The following NOL4L variants were observed in gnomAD, a reference collection of about 807,000 sequenced individuals.
NOL4L encodes nucleolar protein 4 like.
Under a neutral mutation model 64.5 loss-of-function variants are expected in NOL4L, and 7 were observed. That is an observed-to-expected ratio of 0.11 (90% confidence interval 0.06 to 0.20). NOL4L has a LOEUF of 0.20. Among genes scored for constraint, NOL4L ranks in the 10% least tolerant of loss-of-function variants. NOL4L has a pLI of 1.00. For synonymous variants in NOL4L, 413 were observed against 401.0 expected (o/e 1.03, Z -0.36); for missense variants, 680 against 967.1 (o/e 0.70, Z 3.94).
At chr20:32,476,090 A>C (rs1350890886) in intron 4 of NOL4L, among the ~76,000 whole-genome samples, 1 of 151,918 alleles carries the variant, frequency 6.6e-6, no homozygotes, top group Non-Finnish European at 1.5e-5. Flanking sequence ...CCCCACACAC[A>C]GGCACACGCA....
At chr20:32,543,913 T>C (rs1264057424) in intron 1 of NOL4L, among the ~76,000 whole-genome samples, 9 of 152,138 alleles carry the variant, frequency 5.9e-5, no homozygotes, top group Non-Finnish European at 1.2e-4. Context: ...ACAGGGAGCC[T>C]CTGCTGAAGG....
chr20:32,529,005 T>G (rs2018246768), intron 1 of NOL4L, among the ~76,000 whole-genome samples: 1 of 152,244 alleles, frequency 6.6e-6, no homozygotes, highest in South Asian at 2.1e-4. Flanking sequence ...GGATGTGGGC[T>G]TCGCCTGCTC....
Position 32,447,777 on chromosome 20 carries a change from G to A in NOL4L, c.1862C>T (p.Thr621Ile), listed in dbSNP as rs761283119. 6.3e-6 allele frequency: 10 copies of A among 1,582,586 alleles called. No individual in the cohort carries two copies. The highest frequency in any genetic ancestry group is 2.3e-4 in the Middle Eastern group (1 of 4,372). ...GGGGGTGGGCGTGGGGGTGGTGGAGGTGGTAGAGGCCCCGCCTTTCATGCT... is the reference window on the plus strand; with the variant it reads ...GGGGGTGGGCGTGGGGGTGGTGGAGATGGTAGAGGCCCCGCCTTTCATGCT... ...DLSMKGGASTTSTTPTPTPSS... is the reference protein window; with the variant it reads ...DLSMKGGASTISTTPTPTPSS... Residue 621 changes from threonine (T) to isoleucine (I), a missense_variant, in exon 11 of 11, where the codon ACC becomes ATC. This residue lies in a region of NOL4L where 175 missense variants were observed against 227.0 expected (regional missense o/e 0.77). Transcript: ENST00000621426.
At chr20:32,540,138 C>T (rs2018627737) in intron 1 of NOL4L, among the ~76,000 whole-genome samples, 1 of 152,172 alleles carries the variant, frequency 6.6e-6, no homozygotes, top group Non-Finnish European at 1.5e-5. Flanking sequence ...GACTCTGACC[C>T]CTTCGCCTCT....
At chr20:32,517,347 G>C (rs901649066) in intron 3 of NOL4L, among the ~76,000 whole-genome samples, 1 of 152,250 alleles carries the variant, frequency 6.6e-6, no homozygotes, top group Non-Finnish European at 1.5e-5. Flanking sequence ...TGCAGGCTCT[G>C]CTTTCCCAGC....
At position 32,511,448 on chromosome 20, in the gene NOL4L, G is replaced by C. The variant is rs2017400689; in HGVS notation, c.598C>G (p.Pro200Ala). Residue 200 changes from proline (P) to alanine (A), a missense_variant, in exon 4 of 11, where the codon CCT (proline) becomes GCT (alanine). Coordinates refer to ENST00000621426, the MANE Select transcript of NOL4L (RefSeq NM_001256798.2). ...ATCCCAGAGACCAGTGGAGATGGAGGCTCGTTTTCTGGCAGAAAGAACAAA... is the reference window on the plus strand; with the variant it reads ...ATCCCAGAGACCAGTGGAGATGGAGCCTCGTTTTCTGGCAGAAAGAACAAA... ...SNGLEPKENE[P>A]PSPLVSGIID... 6.5e-7 allele frequency: 1 copy of C among 1,549,168 alleles called. No individual in the cohort carries two copies. Among genetic ancestry groups the C allele is most frequent in the South Asian group, 1.2e-5 (1 of 84,026 alleles).
intron 1 of NOL4L, among the ~76,000 whole-genome samples, chr20:32,565,348 A>G (rs1214785128): frequency 6.6e-6 from 1 of 152,092 alleles, no homozygotes; most frequent in Non-Finnish European, 1.5e-5. Flanking sequence ...GCCTTTCAAT[A>G]TCCTTACAAC....
intron 1 of NOL4L, among the ~76,000 whole-genome samples, chr20:32,534,028 A>C (rs1411270237): frequency 6.6e-6 from 1 of 152,252 alleles, no homozygotes; most frequent in Non-Finnish European, 1.5e-5. Context: ...TAGAGCTTCG[A>C]AGTCACTTGC....
chr20:32,490,128 C>CAAAAAAAA (rs747449024), intron 4 of NOL4L, among the ~76,000 whole-genome samples: 10 of 69,094 alleles, frequency 1.4e-4, no homozygotes, highest in East Asian at 2.7e-3. Flanking sequence ...GACTCCATCT[C>CAAAAAAAA]AAAAAAAAAA....
At chr20:32,524,013 GAC>G (rs1471512762) in intron 2 of NOL4L, among the ~76,000 whole-genome samples, 1 of 152,162 alleles carries the variant, frequency 6.6e-6, no homozygotes, top group African/African-American at 2.4e-5. Flanking sequence ...AGCAGCTGCT[GAC>G]CACATCTGGC....
intron 1 of NOL4L, among the ~76,000 whole-genome samples, chr20:32,551,731 G>T (rs540947621): frequency 9.9e-5 from 15 of 152,160 alleles, no homozygotes; most frequent in African/African-American, 3.4e-4. Flanking sequence ...TTCTAAAATT[G>T]ATTGTGGCAA....
At chr20:32,481,464 G>A (rs1428086564) in intron 4 of NOL4L, among the ~76,000 whole-genome samples, 8 of 152,174 alleles carry the variant, frequency 5.3e-5, no homozygotes, top group Admixed American at 5.2e-4. Context: ...CAATTCCCAG[G>A]CGGTCCAGCT....
chr20:32,465,062 G>A (rs761709145), intron 5 of NOL4L: 2 of 616,780 alleles, frequency 3.2e-6, no homozygotes, highest in Non-Finnish European at 5.9e-6. Flanking sequence ...GTAGAGAGGT[G>A]TCCAAGCTGC....
At chr20:32,458,645 G>A (rs1177111603) in intron 5 of NOL4L, among the ~76,000 whole-genome samples, 2 of 152,186 alleles carry the variant, frequency 1.3e-5, no homozygotes, top group Non-Finnish European at 2.9e-5. Context: ...TTCACATACC[G>A]ACACCACCCT....
In NOL4L at chr20:32,585,251, C is replaced by T. The variant is rs891349744; in HGVS notation, c.-361G>A. ...GCCGGGGGAGGCGGGAGGCGGGGAGCGGCCCCGAGCGCTGGGAGCGAGACC... is the reference window on the plus strand; with the variant it reads ...GCCGGGGGAGGCGGGAGGCGGGGAGTGGCCCCGAGCGCTGGGAGCGAGACC... On this transcript the variant is annotated 5_prime_UTR_variant, in exon 1 of 11. Transcript: ENST00000621426. Among the ~76,000 whole-genome samples the T allele has an allele frequency of 7.4e-5, 11 of 147,940 alleles. No individual in the cohort carries two copies. The East Asian group carries it at 1.4e-3, about 19-fold the overall frequency.
intron 4 of NOL4L, among the ~76,000 whole-genome samples, chr20:32,484,465 CTTAGT>C (rs1479808712): frequency 6.6e-6 from 1 of 152,100 alleles, no homozygotes; most frequent in Admixed American, 6.5e-5. Flanking sequence ...TTTCCCACCA[CTTAGT>C]TTACACCCCC....
At chr20:32,567,450 G>A (rs1979497154) in intron 1 of NOL4L, among the ~76,000 whole-genome samples, 1 of 152,196 alleles carries the variant, frequency 6.6e-6, no homozygotes, top group African/African-American at 2.4e-5. Context: ...CACAGACAAG[G>A]TGCTGAGGGC....
chr20:32,446,981 C>T lies in NOL4L; in HGVS notation c.*615G>A, dbSNP rs562800783. The T allele has an allele frequency of 5.1e-4, 157 of 306,834 alleles. 4 individuals are homozygous for T. The highest frequency in any genetic ancestry group is 4.8e-3 in the Middle Eastern group (4 of 832). The allele number at this position is 306,834 out of a possible 1,614,324, so 19.0% of individuals were successfully genotyped here. The stretch of plus-strand genomic sequence containing the variant: ...ACAGGATGGCCTGGCCAAGGGCTAG[C>T]GGCCACAGGGTGCACCAGGCATGCA... On this transcript the variant is annotated 3_prime_UTR_variant, in exon 11 of 11. Coordinates refer to ENST00000621426, the MANE Select transcript of NOL4L (RefSeq NM_001256798.2).
At chr20:32,485,888 A>C (rs2016069149) in intron 4 of NOL4L, 2 of 405,292 alleles carry the variant, frequency 4.9e-6, no homozygotes, top group Non-Finnish European at 1.0e-5. Flanking sequence ...TTGAAATATA[A>C]AGCCAAATAC....
Sources: allele counts gnomAD v4.1 joint callset (sites outside exome capture counted in the v4.1 genomes callset), GRCh38; gene constraint gnomAD v4.1.1; regional missense constraint gnomAD v4.1.1; transcripts MANE v1.5; gene names NCBI Gene and HGNC (gene_info 2026-07-23, HGNC 2026-07-21).